Variants in CTPS1 observed in about 807,000 individuals in gnomAD.
CTPS1 encodes CTP synthase 1.
In CTPS1, 25 loss-of-function variants were observed where a neutral mutation model predicts 80.5. The ratio of observed to expected loss-of-function variants is 0.31; its 90% CI spans 0.23 to 0.43. The LOEUF (loss-of-function observed/expected upper bound fraction) is 0.43. Among genes scored for constraint, CTPS1 ranks in the 20% least tolerant of loss-of-function variants. The pLI is 1.00. For missense variants in CTPS1, 442 were observed against 725.7 expected (o/e 0.61, Z 4.49); for synonymous variants, 267 against 252.5 (o/e 1.06, Z -0.54).
intron 9 of CTPS1, 146 bp from the exon 10 acceptor site, chr1:41,000,883 C>T (rs1642887054): frequency 2.3e-6 from 1 of 430,024 alleles, no homozygotes; most frequent in Non-Finnish European, 4.2e-6. Flanking sequence ...TTAAGTTGAT[C>T]ACTTTAAAGC....
In CTPS1 at chr1:40,997,401, C is replaced by G; in HGVS notation, c.880C>G (p.Arg294Gly). ...TTGACGTTTATTTGATAGATATGATCGCTTGCTGGAGACCTGCTCTATTGC... is the reference window on the plus strand; with the variant it reads ...TTGACGTTTATTTGATAGATATGATGGCTTGCTGGAGACCTGCTCTATTGC... ...KWKEMADRYD[R>G]LLETCSIALV... Residue 294 changes from arginine to glycine, a missense_variant, in exon 9 of 19, where the codon CGC becomes GGC. Around this residue, in one of 4 missense-constraint regions of CTPS1, gnomAD observed 321 missense variants for 467.2 expected, o/e 0.69. Transcript: ENST00000650070. 1 of 1,613,166 alleles carries G rather than the reference C, an allele frequency of 6.2e-7. No homozygotes were observed. Among genetic ancestry groups the G allele is most frequent in the South Asian group, 1.1e-5 (1 of 90,918 alleles).
At chr1:41,010,558 T>A (rs1347685412) in intron 18 of CTPS1, among the ~76,000 whole-genome samples, 1 of 152,220 alleles carries the variant, frequency 6.6e-6, no homozygotes, top group Non-Finnish European at 1.5e-5. Flanking sequence ...GGTGCCAGTC[T>A]GACCAGTTCT....
intron 1 of CTPS1, 25 bp from the exon 2 acceptor site, chr1:40,983,253 C>A (rs1380582972): frequency 1.6e-5 from 26 of 1,596,406 alleles, no homozygotes; most frequent in Non-Finnish European, 2.1e-5. Flanking sequence ...ACATTTATAT[C>A]ATCTGTAATT....
Position 40,998,675 on chromosome 1 carries a change from T to C in CTPS1, c.1005+1149T>C, listed in dbSNP as rs145882391. The stretch of plus-strand genomic sequence containing the variant: ...CCTCCCTTCTGCCTGTCCCCTTTAT[T>C]CCTTTTCTTCCTGGCCCATCAGCTG... On this transcript the variant is annotated intron_variant, in intron 9 of 18. Transcript: ENST00000650070. Among the ~76,000 whole-genome samples the C allele has an allele frequency of 5.6e-3, 854 of 152,252 alleles. 9 individuals are homozygous for C. Among genetic ancestry groups the C allele is most frequent in the African/African-American group, 0.02 (810 of 41,532 alleles).
chr1:40,996,761 C>G (rs941492421), intron 8 of CTPS1, among the ~76,000 whole-genome samples: 3 of 152,130 alleles, frequency 2.0e-5, no homozygotes, highest in South Asian at 4.1e-4. Flanking sequence ...TTTTATCATC[C>G]TTTTTCATAA....
In CTPS1 at chr1:40,985,254, C is replaced by T. The variant is rs780381180; in HGVS notation, c.337+263C>T. On this transcript the variant is annotated intron_variant, in intron 3 of 18. Transcript: ENST00000650070. ...TCAATTCTGCTAAGGCAGCATGATA[C>T]GAGTCCAGAGAGCTGTTGTTTTTAC... Among the ~76,000 whole-genome samples the T allele has an allele frequency of 3.9e-5, 6 of 152,294 alleles. No homozygotes were observed. In the East Asian group the frequency reaches 5.8e-4, roughly 15 times the overall value.
intron 12 of CTPS1, chr1:41,004,369 G>T (rs566586125): frequency 3.3e-5 from 5 of 152,308 alleles, no homozygotes; most frequent in Admixed American, 2.6e-4. Context: ...TGGCGGTGTG[G>T]CTTAGTTTGG....
intron 3 of CTPS1, among the ~76,000 whole-genome samples, chr1:40,985,288 G>C (rs895976117): frequency 7.9e-5 from 12 of 152,248 alleles, no homozygotes; most frequent in Admixed American, 2.0e-4. Flanking sequence ...ACACAGTAAT[G>C]AGTGTGAAAG....
At chr1:40,996,293 A>C (rs1235110827) in intron 8 of CTPS1, among the ~76,000 whole-genome samples, 1 of 152,208 alleles carries the variant, frequency 6.6e-6, no homozygotes, top group African/African-American at 2.4e-5. Context: ...GGGCCTCCAG[A>C]CAATGAGTTC....
At chr1:40,993,626 G>A (rs1391823390) in intron 7 of CTPS1, among the ~76,000 whole-genome samples, 6 of 152,222 alleles carry the variant, frequency 3.9e-5, no homozygotes, top group South Asian at 2.1e-4. Context: ...GGCGTGAGCC[G>A]GCAATGCCCA....
chr1:40,988,272 G>A (rs1324957513), intron 4 of CTPS1, among the ~76,000 whole-genome samples: 1 of 146,452 alleles, frequency 6.8e-6, no homozygotes, highest in East Asian at 2.1e-4. Flanking sequence ...TAAGATTTAG[G>A]TTTTTCTTTT....
In CTPS1 at chr1:41,007,961, G is replaced by C. The variant is rs1180951562; in HGVS notation, c.1393+416G>C. Among the ~76,000 whole-genome samples, 1 of 152,224 alleles carries C rather than the reference G, an allele frequency of 6.6e-6. No homozygotes were observed. The highest frequency in any genetic ancestry group is 2.4e-5 in the African/African-American group (1 of 41,456). ...TACTAATAGATGCTGAAGGTTTAGG[G>C]TAGTTTTCGGAGGAAAATAGTTAAG... On this transcript the variant is annotated intron_variant, in intron 14 of 18. Coordinates refer to ENST00000650070, the MANE Select transcript of CTPS1 (RefSeq NM_001905.4). This position sits in a 1 kb window ranked among gnomAD's most constrained non-coding sequence, Gnocchi z 4.4.
rs1373430250 is a variant in CTPS1, at chr1:41,011,797, C to G, written c.*149C>G. ...GGAAAGGTATTTGGGAAACTTGTCA[C>G]TTGCATGTCCCATCACGTGTACTGG... On this transcript the variant is annotated 3_prime_UTR_variant, in exon 19 of 19. Coordinates refer to ENST00000650070, the MANE Select transcript of CTPS1 (RefSeq NM_001905.4). 6.6e-6 allele frequency: 1 copy of G among 152,132 alleles called. No individual in the cohort carries two copies. The highest frequency in any genetic ancestry group is 1.5e-5 in the Non-Finnish European group (1 of 68,036). The allele number at this position is 152,132 out of a possible 1,614,324, so 9.4% of individuals were successfully genotyped here.
chr1:40,988,458 T>C, intron 4 of CTPS1, 136 bp from the exon 5 acceptor site: 2 of 648,960 alleles, frequency 3.1e-6, no homozygotes, highest in Non-Finnish European at 5.6e-6. Flanking sequence ...AACTGTTAAC[T>C]AACATTATAC....
intron 3 of CTPS1, among the ~76,000 whole-genome samples, chr1:40,985,931 C>T (rs1190718013): frequency 2.0e-5 from 3 of 152,182 alleles, no homozygotes; most frequent in Non-Finnish European, 4.4e-5. Flanking sequence ...TGAAGTGTTT[C>T]CCTGACTTCC....
intron 1 of CTPS1, among the ~76,000 whole-genome samples, chr1:40,981,755 C>T (rs1198616942): frequency 6.6e-6 from 1 of 151,292 alleles, no homozygotes; most frequent in Admixed American, 6.6e-5. Flanking sequence ...TTGTTGAAAC[C>T]AGGGAGCATG....
In CTPS1 at chr1:40,996,584, G is replaced by A. The variant is rs1017437428; in HGVS notation, c.872+516G>A. On this transcript the variant is annotated intron_variant, in intron 8 of 18. Transcript: ENST00000650070. ...ACATTCCTTCAGAAATCTTCACTTC[G>A]TGTCTTAGAGCAATGGGCAGGCCTT... 1.4e-4 allele frequency among the ~76,000 whole-genome samples: 21 copies of A among 152,162 alleles called. 1 individual carries two copies. Among genetic ancestry groups the A allele is most frequent in the Admixed American group, 1.0e-3 (16 of 15,282 alleles).
chr1:41,002,850 A>T (rs533552442), intron 11 of CTPS1, among the ~76,000 whole-genome samples: 1 of 152,190 alleles, frequency 6.6e-6, no homozygotes, highest in African/African-American at 2.4e-5. Context: ...TCTGGGGGGA[A>T]AAAAGTACTG....
chr1:41,008,592 G>A (rs890603610), intron 14 of CTPS1, 67 bp from the exon 15 acceptor site: 105 of 1,518,446 alleles, frequency 6.9e-5, no homozygotes, highest in Non-Finnish European at 9.1e-5. Flanking sequence ...CAGGAAGGAG[G>A]ATGTCTTTGT....
Sources: allele counts gnomAD v4.1 joint callset (sites outside exome capture counted in the v4.1 genomes callset), GRCh38; gene constraint gnomAD v4.1.1; regional missense constraint gnomAD v4.1.1; non-coding constraint Gnocchi (gnomAD v3.1); transcripts MANE v1.5; gene names NCBI Gene and HGNC (gene_info 2026-07-23, HGNC 2026-07-21).